DMD: variants seen among roughly 807,000 people sequenced by gnomAD.
The protein encoded by DMD is dystrophin.
In DMD, 63 loss-of-function variants were observed where a neutral mutation model predicts 330.1. The observed-to-expected ratio is 0.19, with a 90% CI of 0.16 to 0.24. DMD has a LOEUF of 0.24. DMD is among the 10% of genes least tolerant of loss of function. The pLI is 1.00. For missense variants in DMD, 3,344 were observed against 2,684.1 expected, an observed-to-expected ratio of 1.25 and a Z score of -5.43; for synonymous variants, 1,223 against 959.8, an observed-to-expected ratio of 1.27 and a Z score of -5.07.
At chrX:32,176,103 C>G (rs190136899) in intron 44 of DMD, among the ~76,000 whole-genome samples, 2 of 112,014 alleles carry the variant, frequency 1.8e-5, no homozygotes, top group East Asian at 5.7e-4. Context: ...TGCTTTGCCC[C>G]TACATCATTA....
intron 5 of DMD, among the ~76,000 whole-genome samples, chrX:32,819,011 T>TC (rs1309700120): frequency 9.8e-6 from 1 of 101,946 alleles, no homozygotes; most frequent in East Asian, 3.2e-4. Flanking sequence ...AGGTGTTTTT[T>TC]TTTTTTTTTT....
Position 31,794,487 on chromosome X carries a change from A to G in DMD, c.7310-20295T>C, listed in dbSNP as rs183728019. Among the ~76,000 whole-genome samples the G allele has an allele frequency of 1.0e-3, 113 of 111,882 alleles. 1 individual carries two copies. The highest frequency in any genetic ancestry group is 3.6e-3 in the African/African-American group (112 of 30,827). ...ATCCTTCAGTTATGCTTCACCGATT[A>G]AATTATTAAGAACCTCTGATCTAGC... On this transcript the variant is annotated intron_variant, in intron 50 of 78. Transcript: ENST00000357033.
intron 62 of DMD, among the ~76,000 whole-genome samples, chrX:31,268,734 A>G (rs1160514805): frequency 8.9e-6 from 1 of 112,501 alleles, no homozygotes; most frequent in Non-Finnish European, 1.9e-5. Flanking sequence ...TGTTTATTTC[A>G]ACGAAAAGAC....
intron 60 of DMD, 85 bp downstream of exon 60, chrX:31,444,396 A>C: frequency 4.7e-6 from 5 of 1,072,199 alleles, no homozygotes; most frequent in African/African-American, 1.8e-5. Flanking sequence ...ATTACATGAA[A>C]AAAGTACTTT....
At chrX:33,245,188 G>A (rs1431404388) in intron 1 of DMD, among the ~76,000 whole-genome samples, 9 of 109,522 alleles carry the variant, frequency 8.2e-5, no homozygotes, top group Non-Finnish European at 1.5e-4. Context: ...CTTCAGTATT[G>A]TTTTAAACTA....
rs2147604235 is a variant in DMD at position 32,699,164 on chromosome X, A to T, written c.779T>A (p.Val260Glu). The T allele has an allele frequency of 1.7e-6, 2 of 1,210,340 alleles. No homozygotes were observed. Among genetic ancestry groups the T allele is most frequent in the African/African-American group, 1.7e-5 (1 of 57,734 alleles). Residue 260 changes from valine (V) to glutamate (E), a missense_variant, in exon 8 of 79, where the codon GTG becomes GAG. Transcript: ENST00000357033. ...EVEMLPRPPKVTKEEHFQLHH... is the reference protein window; with the variant it reads ...EVEMLPRPPKETKEEHFQLHH... ...TAACTGAAAATGTTCTTCTTTAGTC[A>T]CTTTAGGTGGCCTTGGCAACATTTC... is the stretch of plus-strand genomic sequence containing the variant.
intron 44 of DMD, among the ~76,000 whole-genome samples, chrX:32,193,061 G>A (rs2096982921): frequency 1.8e-5 from 2 of 111,279 alleles, no homozygotes; most frequent in South Asian, 7.7e-4. Context: ...AGATCTGGCT[G>A]TTTACACGTG....
At chrX:32,274,937 T>C (rs1006754022) in intron 43 of DMD, among the ~76,000 whole-genome samples, 3 of 112,136 alleles carry the variant, frequency 2.7e-5, no homozygotes, top group Non-Finnish European at 3.8e-5. Flanking sequence ...CCTCTGGTAG[T>C]AAAACTTCCA....
chrX:32,953,043 G>A (rs185432843), intron 2 of DMD, among the ~76,000 whole-genome samples: 134 of 107,089 alleles, frequency 1.3e-3, no homozygotes, highest in African/African-American at 4.4e-3. Flanking sequence ...GCTGAGGCAG[G>A]AGAATCACTT....
chrX:33,169,836 C>A (rs997466198), intron 1 of DMD, among the ~76,000 whole-genome samples: 1 of 109,144 alleles, frequency 9.2e-6, no homozygotes, highest in Non-Finnish European at 1.9e-5. Context: ...AATCGCTAGC[C>A]CCCCTCCTAG....
intron 60 of DMD, among the ~76,000 whole-genome samples, chrX:31,436,372 A>T (rs1448210548): frequency 2.7e-5 from 3 of 111,335 alleles, no homozygotes; most frequent in Non-Finnish European, 5.7e-5. Context: ...TTGGCTCCTG[A>T]TGGCTTCATT....
chrX:32,452,831 A>T (rs2148333443), intron 26 of DMD, among the ~76,000 whole-genome samples: 1 of 111,188 alleles, frequency 9.0e-6, no homozygotes, highest in African/African-American at 3.3e-5. Context: ...TTGTTAACAG[A>T]TATTTGCCCA....
At chrX:31,700,111 G>A (rs1363866428) in intron 52 of DMD, among the ~76,000 whole-genome samples, 12 of 108,950 alleles carry the variant, frequency 1.1e-4, no homozygotes, top group African/African-American at 3.4e-4. Flanking sequence ...GCTTGAACCC[G>A]GGCGGCAGAG....
chrX:31,408,713 TTTG>T (rs2061510098), intron 60 of DMD, among the ~76,000 whole-genome samples: 1 of 47,475 alleles, frequency 2.1e-5, no homozygotes, highest in African/African-American at 1.5e-4. Context: ...TGAACTTTTT[TTTG>T]TTTTGTTTTG....
At chrX:32,553,749 C>T (rs929331062) in intron 16 of DMD, among the ~76,000 whole-genome samples, 2 of 111,575 alleles carry the variant, frequency 1.8e-5, no homozygotes, top group Middle Eastern at 4.2e-3. Context: ...GGCTCTCTGT[C>T]CCCACCCAAA....
intron 55 of DMD, among the ~76,000 whole-genome samples, chrX:31,512,439 G>A (rs1207046116): frequency 3.9e-5 from 4 of 102,931 alleles, no homozygotes; most frequent in African/African-American, 1.4e-4. Context: ...TAATGCCTAG[G>A]TTTTCTTCTA....
intron 43 of DMD, among the ~76,000 whole-genome samples, chrX:32,241,576 G>A (rs767248855): frequency 5.0e-4 from 56 of 112,186 alleles, no homozygotes; most frequent in African/African-American, 1.8e-3. Flanking sequence ...CTATCCCGCA[G>A]CATCCAAATT....
chrX:33,319,255 AT>A, intron 1 of DMD, among the ~76,000 whole-genome samples: 1 of 110,609 alleles, frequency 9.0e-6, no homozygotes, highest in South Asian at 3.9e-4. Context: ...CCAGTTTATT[AT>A]TTATTTTTTT....
intron 2 of DMD, among the ~76,000 whole-genome samples, chrX:32,892,814 CT>C (rs1250050151): frequency 8.9e-6 from 1 of 112,200 alleles, no homozygotes; most frequent in Non-Finnish European, 1.9e-5. Context: ...TTGGCACATT[CT>C]GTCTCTCTGG....
Sources: gnomAD v4.1 joint callset for allele counts (sites outside exome capture counted in the v4.1 genomes callset) on GRCh38, gnomAD v4.1.1 for gene constraint, MANE v1.5 for transcripts, NCBI Gene and HGNC (gene_info 2026-07-23, HGNC 2026-07-21) for gene names.